ZNF555: variants seen among roughly 807,000 people sequenced by gnomAD.
ZNF555 encodes the protein zinc finger protein 555.
A neutral mutation model predicts 14.0 loss-of-function variants in ZNF555; 10 were observed. The observed-to-expected ratio is 0.72, with a 90% confidence interval of 0.44 to 1.21. The LOEUF (loss-of-function observed/expected upper bound fraction) is 1.21, where lower values mean the gene tolerates loss of function less well. Among genes scored for constraint, ZNF555 ranks in the 50% most tolerant of loss-of-function variants. The pLI is 0.00. For synonymous variants in ZNF555, 277 were observed against 262.4 expected (o/e 1.06, Z -0.54); for missense variants, 747 against 762.0 (o/e 0.98, Z 0.23).
rs146841142 is a variant in ZNF555 at position 2,856,112 on chromosome 19, A to G, written c.*2160A>G. ...AATTTTGATAATTTAAGCATGTTAC[A>G]TTTTGAATCAGTATTACCAAGTATA... On this transcript the variant is annotated 3_prime_UTR_variant, in exon 4 of 4. Transcript: ENST00000334241. The G allele has an allele frequency of 1.8e-3, 274 of 152,216 alleles. 2 individuals carry two copies. Among genetic ancestry groups the G allele is most frequent in the African/African-American group, 6.0e-3 (250 of 41,544 alleles). The allele number at this position is 152,216 out of a possible 1,614,324, so 9.4% of individuals were successfully genotyped here. A position where few individuals can be genotyped will look rare whatever the true frequency, so the allele number is the denominator to read the frequency against.
Position 2,850,570 on chromosome 19 carries a change from A to T in ZNF555, c.4-17A>T. 6.2e-7 allele frequency: 1 copy of T among 1,611,542 alleles called. No individual in the cohort carries two copies. The highest frequency in any genetic ancestry group is 1.1e-5 in the South Asian group (1 of 91,048). Reference sequence around the variant, plus strand: ...CGGTCTCAACCATCCTCCCATAAATATGTTGAATTGTTTTAGGACTCAGTG... The same window carrying T: ...CGGTCTCAACCATCCTCCCATAAATTTGTTGAATTGTTTTAGGACTCAGTG... On this transcript the variant is annotated splice_polypyrimidine_tract_variant and intron_variant, in intron 1 of 3. Transcript: ENST00000334241.
At position 2,859,352 on chromosome 19, in the gene ZNF555, G is replaced by A. The variant is rs1038732718; in HGVS notation, c.*5400G>A. 2 of 152,274 alleles carry A rather than the reference G, an allele frequency of 1.3e-5. No homozygotes were observed. Among genetic ancestry groups the A allele is most frequent in the African/African-American group, 4.8e-5 (2 of 41,456 alleles). The allele number at this position is 152,274 out of a possible 1,614,324, so 9.4% of individuals were successfully genotyped here. Reference sequence around the variant, plus strand: ...CCCGGATATCGCGTGGCTGTGGCAGGTAGACAGCCCGTGCTCCAGAGGCCT... The same window carrying A: ...CCCGGATATCGCGTGGCTGTGGCAGATAGACAGCCCGTGCTCCAGAGGCCT... On this transcript the variant is annotated 3_prime_UTR_variant, in exon 4 of 4. Coordinates refer to ENST00000334241, the MANE Select transcript of ZNF555 (RefSeq NM_152791.5).
At chr19:2,850,061 G>T (rs148135544) in intron 1 of ZNF555, among the ~76,000 whole-genome samples, 9 of 152,286 alleles carry the variant, frequency 5.9e-5, no homozygotes, top group African/African-American at 2.2e-4. Flanking sequence ...CTTCTCAAAA[G>T]AATGTTTTCA....
At position 2,851,470 on chromosome 19, in the gene ZNF555, G is replaced by A; in HGVS notation, c.133G>A (p.Asp45Asn). 1.3e-6 allele frequency: 2 copies of A among 1,576,446 alleles called. No homozygotes were observed. The highest frequency in any genetic ancestry group is 2.3e-5 in the East Asian group (1 of 44,222). ...ATTTGTTTACTTTTTGGTTTCAGAT[G>A]ATGAAACTCAATTTAAGGCCAGTGG... ...ETFQNLASVD[D>N]ETQFKASGSV... The change falls in exon 3 of 4, where the codon GAT (aspartate) becomes AAT (asparagine). Residue 45 changes from aspartate to asparagine, a missense_variant and splice_region_variant. Transcript: ENST00000334241.
At chr19:2,842,266 C>G (rs2087543973) in intron 1 of ZNF555, among the ~76,000 whole-genome samples, 2 of 152,212 alleles carry the variant, frequency 1.3e-5, no homozygotes, top group African/African-American at 2.4e-5. Flanking sequence ...TTCTTGTCCC[C>G]TCTGACCCCA....
Position 2,852,555 on chromosome 19 carries a change from A to C in ZNF555, c.490A>C (p.Thr164Pro), listed in dbSNP as rs763572240. The C allele has an allele frequency of 6.2e-7, 1 of 1,614,124 alleles. No homozygotes were observed. Among genetic ancestry groups the C allele is most frequent in the East Asian group, 2.2e-5 (1 of 44,890 alleles). Reference sequence around the variant, plus strand: ...CCGCACATCCCTCAAGAGTCCCATCACAGTTCACACTGGACACAAACCATA... The same window carrying C: ...CCGCACATCCCTCAAGAGTCCCATCCCAGTTCACACTGGACACAAACCATA... ...HRRTSLKSPITVHTGHKPYQC... is the reference protein window; with the variant it reads ...HRRTSLKSPIPVHTGHKPYQC... Residue 164 changes from threonine to proline, a missense_variant, in exon 4 of 4, where the codon ACA becomes CCA. Physicochemically the swap from Thr to Pro is conservative, Grantham distance 38. Transcript: ENST00000334241.
intron 1 of ZNF555, among the ~76,000 whole-genome samples, chr19:2,844,683 A>G (rs1016611496): frequency 8.5e-5 from 13 of 152,212 alleles, no homozygotes; most frequent in African/African-American, 1.9e-4. Context: ...CAACTCCTCT[A>G]TTGGGATGAG....
chr19:2,851,207 A>T (rs1409137089), intron 2 of ZNF555, among the ~76,000 whole-genome samples: 1 of 152,006 alleles, frequency 6.6e-6, no homozygotes, highest in Non-Finnish European at 1.5e-5. Context: ...CATGTCAGCC[A>T]GGCTGCTCTT....
At position 2,853,777 on chromosome 19, in the gene ZNF555, A is replaced by C; in HGVS notation, c.1712A>C (p.Lys571Thr). 6.2e-7 allele frequency: 1 copy of C among 1,610,774 alleles called. No homozygotes were observed. The highest frequency in any genetic ancestry group is 8.5e-7 in the Non-Finnish European group (1 of 1,178,134). ...EKPYQCKHCG[K>T]AFNCSSSLRR... ...CCTTATCAATGTAAGCATTGTGGGA[A>C]AGCATTCAATTGTTCCTCATCCTTA... Residue 571 changes from lysine (K) to threonine (T), a missense_variant, in exon 4 of 4, where the codon AAA becomes ACA. Transcript: ENST00000334241.
intron 1 of ZNF555, among the ~76,000 whole-genome samples, chr19:2,848,885 G>A (rs912211462): frequency 2.6e-5 from 4 of 152,196 alleles, no homozygotes; most frequent in African/African-American, 9.7e-5. Context: ...GAATTAGGGT[G>A]GGGGTGAACC....
chr19:2,852,464 C>G lies in ZNF555; in HGVS notation c.399C>G (p.Tyr133Ter). The G allele has an allele frequency of 6.2e-7, 1 of 1,614,114 alleles. No homozygotes were observed. The highest frequency in any genetic ancestry group is 8.5e-7 in the Non-Finnish European group (1 of 1,180,028). The change falls in exon 4 of 4, where the codon TAC (tyrosine) becomes TAG (stop). Residue 133 changes from tyrosine (Y) to a stop codon, truncating the protein, a stop_gained. Coordinates refer to ENST00000334241, the MANE Select transcript of ZNF555 (RefSeq NM_152791.5). LOFTEE classifies it low-confidence loss of function (END_TRUNC). ...GCCAGATTCCACATCTTAATCTGTACAAGAAAATTCCACCTGGAGTAAAAC... is the reference window on the plus strand; with the variant it reads ...GCCAGATTCCACATCTTAATCTGTAGAAGAAAATTCCACCTGGAGTAAAAC... Reference protein sequence around the residue: ...ALSQIPHLNLYKKIPPGVKQY... With the variant: ...ALSQIPHLNL
chr19:2,847,049 T>C (rs148377352), intron 1 of ZNF555, among the ~76,000 whole-genome samples: 159 of 152,146 alleles, frequency 1.0e-3, no homozygotes, highest in Middle Eastern at 3.4e-3. Context: ...TAAATTCCAA[T>C]CCATACACCA....
rs2087663320 is a variant in ZNF555, at chr19:2,853,998, C to T, written c.*46C>T. 2 of 1,595,274 alleles carry T rather than the reference C, an allele frequency of 1.3e-6. No individual in the cohort carries two copies. Among genetic ancestry groups the T allele is most frequent in the Non-Finnish European group, 8.5e-7 (1 of 1,172,714 alleles). ...ACACTCAAGGAGTGTGTCTGTAGTT[C>T]ATTTGCAAATAAACATTTAGTTGAA... On this transcript the variant is annotated 3_prime_UTR_variant, in exon 4 of 4. Coordinates refer to ENST00000334241, the MANE Select transcript of ZNF555 (RefSeq NM_152791.5).
At position 2,853,424 on chromosome 19, in the gene ZNF555, A is replaced by C. The variant is rs561250926; in HGVS notation, c.1359A>C (p.Glu453Asp). The C allele has an allele frequency of 6.2e-7, 1 of 1,614,182 alleles. No homozygotes were observed. The highest frequency in any genetic ancestry group is 1.1e-5 in the South Asian group (1 of 91,086). Residue 453 changes from glutamate (E) to aspartate (D), a missense_variant, in exon 4 of 4, where the codon GAA (glutamate) becomes GAC (aspartate). Glu to Asp is a conservative substitution (Grantham distance 45, BLOSUM62 2). Transcript: ENST00000334241. ...CACATACTAGAGAGAAACCCTATGAATGTAAGCAGTGTGGGAAAGCCTTCA... is the reference window on the plus strand; with the variant it reads ...CACATACTAGAGAGAAACCCTATGACTGTAAGCAGTGTGGGAAAGCCTTCA... ...MRTHTREKPYECKQCGKAFSL... is the reference protein window; with the variant it reads ...MRTHTREKPYDCKQCGKAFSL...
At chr19:2,842,173 G>C (rs967727843) in intron 1 of ZNF555, among the ~76,000 whole-genome samples, 1 of 152,124 alleles carries the variant, frequency 6.6e-6, no homozygotes, top group Non-Finnish European at 1.5e-5. Flanking sequence ...CTCGGCGGGG[G>C]CGGAGACGCC....
Position 2,854,318 on chromosome 19 carries a change from A to C in ZNF555, c.*366A>C, listed in dbSNP as rs1049243464. ...CATTTTTTAAGAAGTAGTTGGCAGA[A>C]TTTTGTAATTATGCAAAGTTGTTTA... On this transcript the variant is annotated 3_prime_UTR_variant, in exon 4 of 4. Coordinates refer to ENST00000334241, the MANE Select transcript of ZNF555 (RefSeq NM_152791.5). 1 of 216,186 alleles carries C rather than the reference A, an allele frequency of 4.6e-6. No homozygotes were observed. The highest frequency in any genetic ancestry group is 9.2e-6 in the Non-Finnish European group (1 of 108,234). 13.4% of individuals were successfully genotyped at this position (216,186 alleles called of 1,614,324 possible).
Position 2,853,410 on chromosome 19 carries a change from G to A in ZNF555, c.1345G>A (p.Glu449Lys). Residue 449 changes from glutamate (E) to lysine (K), a missense_variant, in exon 4 of 4, where the codon GAG becomes AAG. Transcript: ENST00000334241. ...LRKHMRTHTREKPYECKQCGK... is the reference protein window; with the variant it reads ...LRKHMRTHTRKKPYECKQCGK... ...AAAACATATGAGAACACATACTAGA[G>A]AGAAACCCTATGAATGTAAGCAGTG... 6.2e-7 allele frequency: 1 copy of A among 1,614,112 alleles called. No individual in the cohort carries two copies. Among genetic ancestry groups the A allele is most frequent in the South Asian group, 1.1e-5 (1 of 91,086 alleles).
chr19:2,850,572 G>T lies in ZNF555; in HGVS notation c.4-15G>T. On this transcript the variant is annotated splice_polypyrimidine_tract_variant and intron_variant, in intron 1 of 3. Coordinates refer to ENST00000334241, the MANE Select transcript of ZNF555 (RefSeq NM_152791.5). ...GTCTCAACCATCCTCCCATAAATAT[G>T]TTGAATTGTTTTAGGACTCAGTGGT... 2 of 1,612,288 alleles carry T rather than the reference G, an allele frequency of 1.2e-6. No homozygotes were observed. The highest frequency in any genetic ancestry group is 8.5e-7 in the Non-Finnish European group (1 of 1,178,856).
intron 1 of ZNF555, chr19:2,847,088 T>C (rs1178090041): frequency 1.3e-5 from 2 of 152,188 alleles, no homozygotes; most frequent in Non-Finnish European, 2.9e-5. Flanking sequence ...GTTGTGTCTG[T>C]CACTTAAAAA....
Sources: gnomAD v4.1 joint callset for allele counts (sites outside exome capture counted in the v4.1 genomes callset) on GRCh38, gnomAD v4.1.1 for gene constraint, MANE v1.5 for transcripts, NCBI Gene and HGNC (gene_info 2026-07-23, HGNC 2026-07-21) for gene names.